ITPK1: variants seen among roughly 807,000 people sequenced by gnomAD.
The protein encoded by ITPK1 is inositol-tetrakisphosphate 1-kinase, also known as inositol 1,3,4-trisphosphate 5/6-kinase.
A neutral mutation model predicts 45.3 loss-of-function variants in ITPK1; 21 were observed. The ratio of observed to expected loss-of-function variants is 0.46; its 90% CI spans 0.33 to 0.67. The LOEUF is 0.67. ITPK1 is among the 30% of genes least tolerant of loss of function. The pLI is 0.02. For synonymous variants in ITPK1, 258 were observed against 253.6 expected, an observed-to-expected ratio of 1.02 and a Z score of -0.16; for missense variants, 474 against 573.5, an observed-to-expected ratio of 0.83 and a Z score of 1.77.
chr14:93,106,205 C>G lies in ITPK1; in HGVS notation c.95+8864G>C, dbSNP rs1234575518. Reference sequence around the variant, plus strand: ...CACCACCCCACAGCCCAGAGCGGCTCATTTCCAGAACACAAAGGCTGGACT... The same window carrying G: ...CACCACCCCACAGCCCAGAGCGGCTGATTTCCAGAACACAAAGGCTGGACT... On this transcript the variant is annotated intron_variant, in intron 2 of 10. Transcript: ENST00000267615. 4.8e-5 allele frequency among the ~76,000 whole-genome samples: 7 copies of G among 147,156 alleles called. No individual in the cohort carries two copies. The Admixed American group carries it at 5.2e-4, about 11-fold the overall frequency.
intron 5 of ITPK1, among the ~76,000 whole-genome samples, chr14:92,972,208 C>T (rs966566255): frequency 2.6e-5 from 4 of 152,236 alleles, no homozygotes; most frequent in African/African-American, 9.6e-5. Flanking sequence ...GACTCTGTAC[C>T]TTCCTGTGAT....
chr14:93,037,264 C>A (rs762519342), intron 3 of ITPK1, among the ~76,000 whole-genome samples: 14 of 152,380 alleles, frequency 9.2e-5, no homozygotes, highest in South Asian at 4.1e-4. Flanking sequence ...AGGAGACCAG[C>A]ATTTCTCAGC....
rs1887928824 is a variant in ITPK1, at chr14:92,950,967, C to A, written c.738+979G>T. Among the ~76,000 whole-genome samples, 3 of 152,258 alleles carry A rather than the reference C, an allele frequency of 2.0e-5. No individual in the cohort carries two copies. In the South Asian group the frequency reaches 6.2e-4, roughly 32 times the overall value. ...TGTCTAATCCTCAGCACACTGCTGG[C>A]TCCTCAGAGGACCCTGACACAAAAG... On this transcript the variant is annotated intron_variant, in intron 9 of 10. Transcript: ENST00000267615.
intron 9 of ITPK1, among the ~76,000 whole-genome samples, chr14:92,949,554 G>T (rs1457445707): frequency 6.6e-6 from 1 of 152,210 alleles, no homozygotes; most frequent in Non-Finnish European, 1.5e-5. Context: ...TCTCCACTGT[G>T]TACCCTAAGC....
At chr14:92,997,059 T>C (rs920046266) in intron 4 of ITPK1, among the ~76,000 whole-genome samples, 29 of 152,214 alleles carry the variant, frequency 1.9e-4, no homozygotes, top group African/African-American at 6.8e-4. Flanking sequence ...TAGAACGGGA[T>C]GGACCACCAG....
Position 92,940,130 on chromosome 14 carries a change from C to T in ITPK1, c.*1431G>A, listed in dbSNP as rs928622291. 2.6e-5 allele frequency: 26 copies of T among 985,672 alleles called. No individual in the cohort carries two copies. The South Asian group carries it at 6.6e-4, about 25-fold the overall frequency. 61.1% of individuals were successfully genotyped at this position (985,672 alleles called of 1,614,324 possible). On this transcript the variant is annotated 3_prime_UTR_variant, in exon 11 of 11. Transcript: ENST00000267615. ...ATCCTGCAGCCCAGCTGAGCCAGGC[C>T]GAAGGACCTCCATGCACTGGCTCGG...
chr14:92,992,906 AAGG>A (rs534596276), intron 5 of ITPK1, among the ~76,000 whole-genome samples: 24 of 152,366 alleles, frequency 1.6e-4, no homozygotes, highest in African/African-American at 5.8e-4. Context: ...GGGAGAATAC[AAGG>A]AGAAGGCCTA....
intron 4 of ITPK1, among the ~76,000 whole-genome samples, chr14:93,000,259 TAAATTGAAATG>T (rs1257319733): frequency 1.3e-5 from 2 of 152,168 alleles, no homozygotes; most frequent in Admixed American, 1.3e-4. Flanking sequence ...CTTGGGTGTA[TAAATTGAAATG>T]AAAATACAAA....
At chr14:92,962,887 G>C in intron 5 of ITPK1, 38 bp from the exon 6 acceptor site, 2 of 1,463,848 alleles carry the variant, frequency 1.4e-6, no homozygotes, top group Non-Finnish European at 1.9e-6. Context: ...ACAGCTCCTG[G>C]GCAGCCGCCC....
intron 3 of ITPK1, among the ~76,000 whole-genome samples, chr14:93,046,280 G>A (rs906773534): frequency 1.3e-5 from 2 of 152,146 alleles, no homozygotes; most frequent in Non-Finnish European, 2.9e-5. Context: ...AACCATTAGT[G>A]CTACTCCCAT....
chr14:93,028,150 C>T (rs1888840933), intron 3 of ITPK1, among the ~76,000 whole-genome samples: 1 of 152,226 alleles, frequency 6.6e-6, no homozygotes, highest in African/African-American at 2.4e-5. Flanking sequence ...AGAATGGGAG[C>T]AGACGTAGTG....
chr14:93,029,157 T>C lies in ITPK1; in HGVS notation c.121-12356A>G, dbSNP rs112839362. Among the ~76,000 whole-genome samples, 293 of 152,276 alleles carry C rather than the reference T, an allele frequency of 1.9e-3. 3 individuals carry two copies. Among genetic ancestry groups the C allele is most frequent in the African/African-American group, 6.5e-3 (271 of 41,540 alleles). ...TTTCCATAACCACCCTCCAAGGACATGTTATCCCTGCTTTGCTCCGAAAAA... is the reference window on the plus strand; with the variant it reads ...TTTCCATAACCACCCTCCAAGGACACGTTATCCCTGCTTTGCTCCGAAAAA... On this transcript the variant is annotated intron_variant, in intron 3 of 10. Transcript: ENST00000267615.
chr14:93,108,647 C>T (rs1388663924), intron 2 of ITPK1, among the ~76,000 whole-genome samples: 1 of 152,232 alleles, frequency 6.6e-6, no homozygotes, highest in Non-Finnish European at 1.5e-5. Flanking sequence ...CAGGAGGGTG[C>T]GCAGCACAGG....
At chr14:92,971,574 C>T (rs1885656245) in intron 5 of ITPK1, among the ~76,000 whole-genome samples, 1 of 152,190 alleles carries the variant, frequency 6.6e-6, no homozygotes, top group South Asian at 2.1e-4. Context: ...AGAAGTAGGT[C>T]AAATGTCAGT....
At chr14:92,962,517 G>T in intron 6 of ITPK1, 122 bp from the exon 7 acceptor site, 1 of 787,318 alleles carries the variant, frequency 1.3e-6, no homozygotes, top group Non-Finnish European at 2.3e-6. Flanking sequence ...CCTGGTATCT[G>T]CACTGAGGGT....
In ITPK1 at chr14:93,076,056, T is replaced by A. The variant is rs562587964; in HGVS notation, c.120+539A>T. ...CATCCTTCCCTCTTCTCTCCATCCATCCTTCTATCCTTCCTCCCCTCCATC... is the reference window on the plus strand; with the variant it reads ...CATCCTTCCCTCTTCTCTCCATCCAACCTTCTATCCTTCCTCCCCTCCATC... On this transcript the variant is annotated intron_variant, in intron 3 of 10. Transcript: ENST00000267615. The surrounding 1 kb of genome is among the most constrained non-coding windows in gnomAD (Gnocchi z 4.3). Among the ~76,000 whole-genome samples the A allele has an allele frequency of 2.3e-4, 35 of 150,906 alleles. No individual in the cohort carries two copies. In the East Asian group the frequency reaches 5.9e-3, roughly 26 times the overall value.
chr14:93,078,827 C>T (rs917153823), intron 2 of ITPK1, among the ~76,000 whole-genome samples: 7 of 152,176 alleles, frequency 4.6e-5, no homozygotes, highest in African/African-American at 1.4e-4. Flanking sequence ...GCGTCACTGA[C>T]GGGAACCTGA....
Position 92,994,005 on chromosome 14 carries a change from G to C in ITPK1, c.247-8C>G. The C allele has an allele frequency of 1.3e-6, 2 of 1,584,666 alleles. No homozygotes were observed. The highest frequency in any genetic ancestry group is 1.7e-6 in the Non-Finnish European group (2 of 1,153,150). On this transcript the variant is annotated splice_region_variant and splice_polypyrimidine_tract_variant and intron_variant, in intron 4 of 10. Coordinates refer to ENST00000267615, the MANE Select transcript of ITPK1 (RefSeq NM_014216.6). ...GTGGGCATCGATGTACTCCTGAAAGGGAAGCATGCTGCTCTGGTTAGAGCA... is the reference window on the plus strand; with the variant it reads ...GTGGGCATCGATGTACTCCTGAAAGCGAAGCATGCTGCTCTGGTTAGAGCA...
intron 1 of ITPK1, 121 bp from the exon 2 acceptor site, chr14:93,115,426 G>A (rs1226060353): frequency 1.3e-5 from 2 of 149,000 alleles, no homozygotes; most frequent in East Asian, 3.9e-4. Context: ...GCCGCCTGCG[G>A]GCTCGCCCGC....
Sources: gnomAD v4.1 joint callset for allele counts (sites outside exome capture counted in the v4.1 genomes callset) on GRCh38, gnomAD v4.1.1 for gene constraint, Gnocchi (gnomAD v3.1) non-coding constraint, MANE v1.5 for transcripts, NCBI Gene and HGNC (gene_info 2026-07-23, HGNC 2026-07-21) for gene names.